COMMD10: variants seen among roughly 807,000 people sequenced by gnomAD.
The protein encoded by COMMD10 is COMM domain containing 10.
COMMD10 carries 33 observed loss-of-function variants against 28.9 expected under a neutral mutation model. The observed-to-expected ratio is 1.14, with a 90% CI of 0.87 to 1.53. The LOEUF is 1.53. Among genes scored for constraint, COMMD10 ranks in the 40% most tolerant of loss-of-function variants. The probability of loss-of-function intolerance (pLI) is 0.00; values close to 1 mark genes in which losing one functional copy is unlikely to be tolerated. For missense variants in COMMD10, 310 were observed against 233.4 expected, an observed-to-expected ratio of 1.33 and a Z score of -2.14; for synonymous variants, 110 against 81.7, an observed-to-expected ratio of 1.35 and a Z score of -1.87.
chr5:116,265,503 A>G (rs995907879), intron 5 of COMMD10, among the ~76,000 whole-genome samples: 1 of 151,782 alleles, frequency 6.6e-6, no homozygotes, highest in African/African-American at 2.4e-5. Flanking sequence ...AAAACATTAC[A>G]TATGAGAGTT....
intron 6 of COMMD10, among the ~76,000 whole-genome samples, chr5:116,292,114 C>T (rs920156068): frequency 6.6e-6 from 1 of 151,626 alleles, no homozygotes; most frequent in Admixed American, 6.6e-5. Context: ...CCCACTCCCT[C>T]ATATGTAAGC....
At chr5:116,110,539 C>T (rs1751009821) in intron 4 of COMMD10, among the ~76,000 whole-genome samples, 1 of 152,168 alleles carries the variant, frequency 6.6e-6, no homozygotes, top group African/African-American at 2.4e-5. Context: ...AATCTCACTA[C>T]CCATTATTGG....
chr5:116,223,049 A>G (rs867363151), intron 5 of COMMD10, among the ~76,000 whole-genome samples: 13 of 152,184 alleles, frequency 8.5e-5, no homozygotes, highest in African/African-American at 3.1e-4. Flanking sequence ...TGATTGGAGT[A>G]TATAAAATAT....
At chr5:116,265,329 G>A (rs1354569441) in intron 5 of COMMD10, among the ~76,000 whole-genome samples, 16 of 151,522 alleles carry the variant, frequency 1.1e-4, no homozygotes, top group Admixed American at 1.1e-3. Context: ...GATTATTCAT[G>A]TAAAGGGCCT....
At chr5:116,172,229 G>T (rs982429927) in intron 5 of COMMD10, among the ~76,000 whole-genome samples, 1 of 152,110 alleles carries the variant, frequency 6.6e-6, no homozygotes, top group African/African-American at 2.4e-5. Context: ...AATATGTAAG[G>T]CTGGAGGGAG....
intron 5 of COMMD10, among the ~76,000 whole-genome samples, chr5:116,287,475 A>G (rs752623359): frequency 4.0e-5 from 6 of 151,816 alleles, no homozygotes; most frequent in Middle Eastern, 6.8e-3. Context: ...TGTTAGATCT[A>G]AAGTATGTCT....
At chr5:116,154,567 C>T (rs1752644113) in intron 5 of COMMD10, among the ~76,000 whole-genome samples, 1 of 152,018 alleles carries the variant, frequency 6.6e-6, no homozygotes, top group Non-Finnish European at 1.5e-5. Flanking sequence ...TTCAGGTAAT[C>T]TTTGGAGCTC....
chr5:116,193,089 CT>C (rs771960584), intron 5 of COMMD10, among the ~76,000 whole-genome samples: 2 of 152,202 alleles, frequency 1.3e-5, no homozygotes, highest in Non-Finnish European at 2.9e-5. Context: ...GAAAGATAGT[CT>C]TTTTCGGAAA....
chr5:116,117,647 G>A (rs925893042), intron 4 of COMMD10, among the ~76,000 whole-genome samples: 1 of 151,928 alleles, frequency 6.6e-6, no homozygotes, highest in Non-Finnish European at 1.5e-5. Flanking sequence ...TGTATTTTTA[G>A]TAGAGGTGGG....
intron 5 of COMMD10, among the ~76,000 whole-genome samples, chr5:116,274,634 A>G (rs188463081): frequency 1.6e-4 from 24 of 151,934 alleles, no homozygotes; most frequent in Admixed American, 1.4e-3. Context: ...CATTCTCATC[A>G]TTGAATTAAA....
At chr5:116,193,710 C>A (rs2112615220) in intron 5 of COMMD10, among the ~76,000 whole-genome samples, 1 of 152,146 alleles carries the variant, frequency 6.6e-6, no homozygotes, top group Middle Eastern at 3.4e-3. Flanking sequence ...TAGACAGCAA[C>A]ATGATAATAG....
chr5:116,270,807 C>T (rs936442305), intron 5 of COMMD10, among the ~76,000 whole-genome samples: 1 of 151,546 alleles, frequency 6.6e-6, no homozygotes, highest in African/African-American at 2.4e-5. Context: ...CTTGATGGTG[C>T]ATACCTGTAA....
At chr5:116,130,608 G>A (rs1751833202) in intron 4 of COMMD10, among the ~76,000 whole-genome samples, 1 of 151,876 alleles carries the variant, frequency 6.6e-6, no homozygotes, top group Admixed American at 6.6e-5. Flanking sequence ...ATGTGTATGC[G>A]TTTTTCTGAG....
intron 5 of COMMD10, among the ~76,000 whole-genome samples, chr5:116,253,844 A>T (rs570936280): frequency 2.0e-5 from 3 of 146,988 alleles, no homozygotes; most frequent in Non-Finnish European, 4.5e-5. Context: ...CTCTTTTTCT[A>T]TTGATTGGAA....
intron 5 of COMMD10, among the ~76,000 whole-genome samples, chr5:116,246,630 C>CA (rs112946659): frequency 4.9e-4 from 74 of 151,918 alleles, no homozygotes; most frequent in African/African-American, 1.7e-3. Flanking sequence ...GGTATTAGTA[C>CA]AAAAAAAGAC....
intron 5 of COMMD10, among the ~76,000 whole-genome samples, chr5:116,265,513 TTG>T (rs756051479): frequency 9.2e-5 from 14 of 151,792 alleles, no homozygotes; most frequent in East Asian, 3.9e-4. Context: ...ATATGAGAGT[TTG>T]TGTTTTCCTT....
intron 5 of COMMD10, among the ~76,000 whole-genome samples, chr5:116,262,657 G>A (rs1226715991): frequency 6.6e-6 from 1 of 151,794 alleles, no homozygotes; most frequent in African/African-American, 2.4e-5. Context: ...GTATTCCCAA[G>A]ATTTTCAGTC....
intron 5 of COMMD10, among the ~76,000 whole-genome samples, chr5:116,250,970 T>G (rs1750095908): frequency 6.6e-6 from 1 of 151,720 alleles, no homozygotes; most frequent in Non-Finnish European, 1.5e-5. Flanking sequence ...TTATTCTGGC[T>G]TGGGTTGGGG....
intron 4 of COMMD10, among the ~76,000 whole-genome samples, chr5:116,093,566 T>G (rs1439342618): frequency 6.6e-6 from 1 of 152,128 alleles, no homozygotes; most frequent in Non-Finnish European, 1.5e-5. Flanking sequence ...CATGCAATGG[T>G]ATTGCTCTAG....
Sources: gnomAD v4.1 joint callset for allele counts (sites outside exome capture counted in the v4.1 genomes callset) on GRCh38, gnomAD v4.1.1 for gene constraint, MANE v1.5 for transcripts, NCBI Gene and HGNC (gene_info 2026-07-23, HGNC 2026-07-21) for gene names.